ULK4: variants seen among roughly 807,000 people sequenced by gnomAD.
The protein encoded by ULK4 is inactive serine/threonine-protein kinase ULK4.
Under a neutral mutation model 160.6 loss-of-function variants are expected in ULK4, and 133 were observed. The observed-to-expected ratio is 0.83, with a 90% CI of 0.72 to 0.96. ULK4 has a LOEUF of 0.96. ULK4 is among the 40% of genes least tolerant of loss of function. The pLI is 0.00. For synonymous variants in ULK4, 534 were observed against 539.8 expected, an observed-to-expected ratio of 0.99 and a Z score of 0.15; for missense variants, 1,580 against 1,499.5, an observed-to-expected ratio of 1.05 and a Z score of -0.89.
chr3:41,800,334 T>C lies in ULK4; in HGVS notation c.1849-41A>G, dbSNP rs375334948. On this transcript the variant is annotated intron_variant, in intron 19 of 36. Coordinates refer to ENST00000301831, the MANE Select transcript of ULK4 (RefSeq NM_017886.4). ...ATTAAAATAATATTAGTGTGAGAAA[T>C]AAATACATGTTATTTCTTTATGACC... 6 of 1,544,294 alleles carry C rather than the reference T, an allele frequency of 3.9e-6. No individual in the cohort carries two copies. The African/African-American group carries it at 6.9e-5, about 18-fold the overall frequency.
At chr3:41,341,068 T>C (rs988470418) in intron 35 of ULK4, among the ~76,000 whole-genome samples, 2 of 152,224 alleles carry the variant, frequency 1.3e-5, no homozygotes, top group Non-Finnish European at 2.9e-5. Flanking sequence ...GAAGTCCAGC[T>C]GTGTGCCATC....
intron 31 of ULK4, among the ~76,000 whole-genome samples, chr3:41,572,997 T>C (rs555837547): frequency 6.6e-6 from 1 of 152,104 alleles, no homozygotes; most frequent in African/African-American, 2.4e-5. Context: ...CACTACACTT[T>C]AAGATTATGA....
chr3:41,722,773 GT>G (rs1470263239), intron 22 of ULK4, among the ~76,000 whole-genome samples: 1 of 152,178 alleles, frequency 6.6e-6, no homozygotes, highest in Non-Finnish European at 1.5e-5. Flanking sequence ...TAAGGAAATA[GT>G]TTTGTCTTCA....
intron 4 of ULK4, among the ~76,000 whole-genome samples, chr3:41,934,068 T>A (rs1376161474): frequency 9.2e-5 from 14 of 152,036 alleles, no homozygotes; most frequent in Admixed American, 7.2e-4. Context: ...AAAAAAATTT[T>A]AAAAATGTGG....
intron 35 of ULK4, among the ~76,000 whole-genome samples, chr3:41,264,955 G>A (rs2079004409): frequency 6.6e-6 from 1 of 152,222 alleles, no homozygotes; most frequent in African/African-American, 2.4e-5. Context: ...AGGGAGACTT[G>A]TGACAGGGCA....
rs376613400 is a variant in ULK4, at chr3:41,563,981, T to TC, written c.3226+2043dup. ...TTTTCAGCTTTTCTGCTCTGGTTTCTCCCCATCTTTGTGGTTTTATCTACC... is the reference window on the plus strand; with the variant it reads ...TTTTCAGCTTTTCTGCTCTGGTTTCTCCCCCATCTTTGTGGTTTTATCTACC... On this transcript the variant is annotated intron_variant, in intron 32 of 36. Transcript: ENST00000301831. Among the ~76,000 whole-genome samples, 394 of 152,348 alleles carry TC rather than the reference T, an allele frequency of 2.6e-3. 1 individual carries two copies. Among genetic ancestry groups the TC allele is most frequent in the African/African-American group, 8.6e-3 (357 of 41,568 alleles).
At chr3:41,724,264 A>C (rs995800873) in intron 22 of ULK4, among the ~76,000 whole-genome samples, 10 of 152,230 alleles carry the variant, frequency 6.6e-5, no homozygotes, top group African/African-American at 2.4e-4. Context: ...GGCTAAGCAT[A>C]ACTTATGCTG....
At chr3:41,880,013 G>C (rs1000281197) in intron 17 of ULK4, among the ~76,000 whole-genome samples, 2 of 152,032 alleles carry the variant, frequency 1.3e-5, no homozygotes, top group Admixed American at 6.6e-5. Flanking sequence ...CCAGCTACTC[G>C]GGAGGCTGAG....
chr3:41,265,047 T>C (rs1229465046), intron 35 of ULK4, among the ~76,000 whole-genome samples: 1 of 152,094 alleles, frequency 6.6e-6, no homozygotes, highest in African/African-American at 2.4e-5. Flanking sequence ...AAGTTGGGAT[T>C]TATAAGGCAG....
In ULK4 at chr3:41,495,386, T is replaced by A. The variant is rs543556815; in HGVS notation, c.3227-32133A>T. Among the ~76,000 whole-genome samples the A allele has an allele frequency of 5.4e-3, 823 of 152,084 alleles. 10 individuals carry two copies. The highest frequency in any genetic ancestry group is 0.019 in the African/African-American group (792 of 41,472). On this transcript the variant is annotated intron_variant, in intron 32 of 36. Coordinates refer to ENST00000301831, the MANE Select transcript of ULK4 (RefSeq NM_017886.4). ...AACTGGCTAGCCATATGTAGAAAGCTGAAACTGGATCCCTTCCTTACACCT... is the reference window on the plus strand; with the variant it reads ...AACTGGCTAGCCATATGTAGAAAGCAGAAACTGGATCCCTTCCTTACACCT...
chr3:41,589,752 C>T (rs1405447335), intron 31 of ULK4, among the ~76,000 whole-genome samples: 2 of 152,006 alleles, frequency 1.3e-5, no homozygotes. Context: ...TTAGAAAAAT[C>T]GATATGACAG....
At chr3:41,611,599 C>T (rs1363681912) in intron 31 of ULK4, among the ~76,000 whole-genome samples, 1 of 152,116 alleles carries the variant, frequency 6.6e-6, no homozygotes, top group South Asian at 2.1e-4. Flanking sequence ...CGAGTTTCCA[C>T]CCTTTCAATC....
intron 32 of ULK4, among the ~76,000 whole-genome samples, chr3:41,564,729 G>A (rs1329658687): frequency 6.6e-6 from 1 of 151,966 alleles, no homozygotes; most frequent in Admixed American, 6.6e-5. Context: ...AAAGTGCTGG[G>A]ATTACAAGCG....
chr3:41,378,364 T>TA (rs2081561848), intron 35 of ULK4, among the ~76,000 whole-genome samples: 3 of 150,568 alleles, frequency 2.0e-5, no homozygotes, highest in Middle Eastern at 3.2e-3. Flanking sequence ...CCCTAAAACT[T>TA]AAAGTATAAT....
intron 18 of ULK4, among the ~76,000 whole-genome samples, chr3:41,823,025 A>ATT (rs141965533): frequency 1.7e-4 from 25 of 150,262 alleles, no homozygotes; most frequent in African/African-American, 5.4e-4. Flanking sequence ...CCCGGCCGAG[A>ATT]TTTTTTTTTT....
intron 32 of ULK4, among the ~76,000 whole-genome samples, chr3:41,509,052 A>T (rs1007873603): frequency 2.0e-5 from 3 of 152,144 alleles, no homozygotes; most frequent in African/African-American, 7.2e-5. Flanking sequence ...GGTGAACTCC[A>T]AATTAAAGAA....
chr3:41,326,526 G>A (rs1470916190), intron 35 of ULK4, among the ~76,000 whole-genome samples: 2 of 151,592 alleles, frequency 1.3e-5, no homozygotes, highest in East Asian at 3.9e-4. Context: ...TGTTAACAAA[G>A]AGCAAAAAGA....
chr3:41,509,684 CA>C, intron 32 of ULK4, among the ~76,000 whole-genome samples: 1 of 152,238 alleles, frequency 6.6e-6, no homozygotes, highest in East Asian at 1.9e-4. Flanking sequence ...CCTCCTTTAA[CA>C]AAATAATTTT....
At chr3:41,490,685 T>C (rs1472230821) in intron 32 of ULK4, among the ~76,000 whole-genome samples, 1 of 152,224 alleles carries the variant, frequency 6.6e-6, no homozygotes, top group Non-Finnish European at 1.5e-5. Flanking sequence ...TGAATATATA[T>C]TTGAACCGAG....
Sources: allele counts gnomAD v4.1 joint callset (sites outside exome capture counted in the v4.1 genomes callset), GRCh38; gene constraint gnomAD v4.1.1; transcripts MANE v1.5; gene names NCBI Gene and HGNC (gene_info 2026-07-23, HGNC 2026-07-21).